The following KCNH8 variants were observed in gnomAD, a reference collection of about 807,000 sequenced individuals.
The protein encoded by KCNH8 is potassium voltage-gated channel subfamily H member 8.
Under a neutral mutation model 103.6 loss-of-function variants are expected in KCNH8, and 70 were observed. The ratio of observed to expected loss-of-function variants is 0.68; its 90% CI spans 0.56 to 0.82. The LOEUF (loss-of-function observed/expected upper bound fraction) is 0.82, where lower values mean the gene tolerates loss of function less well. Among genes scored for constraint, KCNH8 ranks in the 40% least tolerant of loss-of-function variants. The pLI is 0.00. For synonymous variants in KCNH8, 498 were observed against 489.4 expected, an observed-to-expected ratio of 1.02 and a Z score of -0.23; for missense variants, 1,217 against 1,329.9, an observed-to-expected ratio of 0.92 and a Z score of 1.32.
chr3:19,258,937 CTCTCTCTCTCTA>C lies in KCNH8; in HGVS notation c.310+5052_310+5063del, dbSNP rs1465125742. ...TCTCTCTCTCTCTCTCTCTCTCTCTCTCTCTCTCTCTATATATATATATATATATATATATAT... is the reference window on the plus strand; with the variant it reads ...TCTCTCTCTCTCTCTCTCTCTCTCTCTATATATATATATATATATATATAT... On this transcript the variant is annotated intron_variant, in intron 2 of 15. Transcript: ENST00000328405. Among the ~76,000 whole-genome samples, 232 of 79,992 alleles carry C rather than the reference CTCTCTCTCTCTA, an allele frequency of 2.9e-3. 1 individual carries two copies. The highest frequency in any genetic ancestry group is 5.1e-3 in the East Asian group (18 of 3,504). 52.5% of individuals were successfully genotyped at this position (79,992 alleles called of 152,430 possible). A position where few individuals can be genotyped will look rare whatever the true frequency, so the allele number is the denominator to read the frequency against.
chr3:19,488,418 A>T (rs2068255124), intron 11 of KCNH8, among the ~76,000 whole-genome samples: 1 of 152,196 alleles, frequency 6.6e-6, no homozygotes, highest in Non-Finnish European at 1.5e-5. Flanking sequence ...AGTAATGGCG[A>T]GGTATTCATA....
intron 11 of KCNH8, among the ~76,000 whole-genome samples, chr3:19,501,993 C>T (rs1232881477): frequency 6.6e-5 from 10 of 152,004 alleles, no homozygotes; most frequent in Non-Finnish European, 1.2e-4. Flanking sequence ...TCTCTGTTTG[C>T]AGATGACATG....
intron 1 of KCNH8, among the ~76,000 whole-genome samples, chr3:19,167,144 C>T (rs2063293320): frequency 6.6e-6 from 1 of 152,082 alleles, no homozygotes; most frequent in Non-Finnish European, 1.5e-5. Flanking sequence ...TGAGGAAATT[C>T]AACATTATTT....
intron 10 of KCNH8, among the ~76,000 whole-genome samples, chr3:19,452,007 A>G (rs553539616): frequency 6.6e-6 from 1 of 152,314 alleles, no homozygotes; most frequent in South Asian, 2.1e-4. Context: ...GTCTTCATTG[A>G]AATATAAAAG....
intron 7 of KCNH8, among the ~76,000 whole-genome samples, chr3:19,436,055 T>C (rs796294771): frequency 1.2e-4 from 19 of 152,234 alleles, no homozygotes; most frequent in Admixed American, 5.9e-4. Flanking sequence ...GAAAAATACA[T>C]CAACTGAATT....
At chr3:19,460,800 T>C (rs2067612349) in intron 11 of KCNH8, among the ~76,000 whole-genome samples, 1 of 152,154 alleles carries the variant, frequency 6.6e-6, no homozygotes, top group Non-Finnish European at 1.5e-5. Context: ...ATGGGGGCAG[T>C]TTCGCTCATC....
chr3:19,483,614 T>C (rs779883761), intron 11 of KCNH8, among the ~76,000 whole-genome samples: 2 of 152,170 alleles, frequency 1.3e-5, no homozygotes, highest in Admixed American at 6.5e-5. Context: ...GCTCGGCTAA[T>C]TGCAAAAACA....
intron 11 of KCNH8, among the ~76,000 whole-genome samples, chr3:19,498,752 G>C (rs539538205): frequency 3.3e-4 from 50 of 152,210 alleles, no homozygotes; most frequent in African/African-American, 1.0e-3. Context: ...GTACAGATGG[G>C]TTTTTTGGTG....
At chr3:19,532,674 A>G (rs1281275741) in intron 15 of KCNH8, among the ~76,000 whole-genome samples, 1 of 152,220 alleles carries the variant, frequency 6.6e-6, no homozygotes, top group Non-Finnish European at 1.5e-5. Flanking sequence ...ACTATCATGC[A>G]TCCCATTCAT....
intron 2 of KCNH8, among the ~76,000 whole-genome samples, chr3:19,269,317 C>A (rs1347112107): frequency 1.3e-5 from 2 of 151,922 alleles, no homozygotes; most frequent in African/African-American, 4.8e-5. Flanking sequence ...TTTTGAGTCC[C>A]CCAAATTATC....
intron 7 of KCNH8, among the ~76,000 whole-genome samples, chr3:19,404,223 A>G (rs1318486813): frequency 6.6e-6 from 1 of 151,794 alleles, no homozygotes; most frequent in Non-Finnish European, 1.5e-5. Context: ...CTAGCTGGAG[A>G]TAAATTTAGA....
At chr3:19,469,275 TA>T (rs1391313154) in intron 11 of KCNH8, among the ~76,000 whole-genome samples, 1 of 152,186 alleles carries the variant, frequency 6.6e-6, no homozygotes, top group Non-Finnish European at 1.5e-5. Context: ...TACTTTAAAA[TA>T]CTCTCCCTCA....
At chr3:19,153,013 G>T (rs1453307285) in intron 1 of KCNH8, among the ~76,000 whole-genome samples, 2 of 152,034 alleles carry the variant, frequency 1.3e-5, no homozygotes, top group Non-Finnish European at 2.9e-5. Flanking sequence ...ATTCTCAGTG[G>T]TTTTTTCTTT....
intron 3 of KCNH8, among the ~76,000 whole-genome samples, chr3:19,319,347 T>A (rs940342054): frequency 2.6e-5 from 4 of 152,050 alleles, no homozygotes; most frequent in African/African-American, 9.7e-5. Context: ...TTGTATAAGG[T>A]AACAGAAGAG....
chr3:19,322,871 G>A (rs13060503), intron 3 of KCNH8, among the ~76,000 whole-genome samples: 25,195 of 152,048 alleles, frequency 0.17, 2,778 homozygotes, highest in Middle Eastern at 0.32. Context: ...ACTTCTTGGG[G>A]GCTTTGTTAA....
Position 19,456,768 on chromosome 3 carries a change from G to C in KCNH8, c.1826G>C (p.Gly609Ala). ...AAATGATCTCTCTCTCTCTTTCTAGGGAAAGGGGATTTAATTGGAGCAAAT... is the reference window on the plus strand; with the variant it reads ...AAATGATCTCTCTCTCTCTTTCTAGCGAAAGGGGATTTAATTGGAGCAAAT... Reference protein sequence around the residue: ...LKDSMVLAILGKGDLIGANLS... With the variant: ...LKDSMVLAILAKGDLIGANLS... The change falls in exon 11 of 16, where the codon GGG becomes GCG. Residue 609 changes from glycine to alanine, a missense_variant and splice_region_variant. Physicochemically the swap from Gly to Ala is moderately conservative, Grantham distance 60 (BLOSUM62 0). This residue lies in a region of KCNH8 where 415 missense variants were observed against 577.4 expected (regional missense o/e 0.72). Transcript: ENST00000328405. 6.2e-7 allele frequency: 1 copy of C among 1,600,890 alleles called. No homozygotes were observed. The highest frequency in any genetic ancestry group is 8.6e-7 in the Non-Finnish European group (1 of 1,169,220).
chr3:19,530,057 C>G (rs1007199450), intron 15 of KCNH8, among the ~76,000 whole-genome samples: 1 of 152,092 alleles, frequency 6.6e-6, no homozygotes. Context: ...AAGCCAGGCA[C>G]AGAAAGACAA....
chr3:19,345,950 C>T (rs2065722989), intron 4 of KCNH8, among the ~76,000 whole-genome samples: 1 of 151,990 alleles, frequency 6.6e-6, no homozygotes, highest in African/African-American at 2.4e-5. Flanking sequence ...TTCATATAAT[C>T]AGCATAATCA....
Position 19,243,473 on chromosome 3 carries a change from TACTC to T in KCNH8, c.77-10179_77-10176del, listed in dbSNP as rs540444862. ...AACTTACAATTATCTCTTGTAAAGC[TACTC>T]ATCTTTCCTGTTTAATCTAACATGA... On this transcript the variant is annotated intron_variant, in intron 1 of 15. Coordinates refer to ENST00000328405, the MANE Select transcript of KCNH8 (RefSeq NM_144633.3). 2.8e-3 allele frequency among the ~76,000 whole-genome samples: 422 copies of T among 152,352 alleles called. 1 individual carries two copies. Among genetic ancestry groups the T allele is most frequent in the Non-Finnish European group, 4.6e-3 (315 of 68,018 alleles).
Sources: gnomAD v4.1 joint callset for allele counts (sites outside exome capture counted in the v4.1 genomes callset) on GRCh38, gnomAD v4.1.1 for gene constraint, gnomAD v4.1.1 regional missense constraint, MANE v1.5 for transcripts, NCBI Gene and HGNC (gene_info 2026-07-23, HGNC 2026-07-21) for gene names.